Variants in LRCH3 observed in about 807,000 individuals in gnomAD.
The protein encoded by LRCH3 is DISP complex protein LRCH3.
Under a neutral mutation model 104.5 loss-of-function variants are expected in LRCH3, and 68 were observed. The ratio of observed to expected loss-of-function variants is 0.65; its 90% CI spans 0.54 to 0.80. The LOEUF is 0.80. Among genes scored for constraint, LRCH3 ranks in the 30% least tolerant of loss-of-function variants. The probability of loss-of-function intolerance (pLI) is 0.00; values close to 1 mark genes in which losing one functional copy is unlikely to be tolerated. For synonymous variants in LRCH3, 344 were observed against 361.3 expected (o/e 0.95, Z 0.54); for missense variants, 951 against 953.9 (o/e 1.00, Z 0.04).
chr3:197,792,724 T>C (rs936435741), intron 1 of LRCH3, among the ~76,000 whole-genome samples: 3 of 145,812 alleles, frequency 2.1e-5, no homozygotes, highest in Non-Finnish European at 3.0e-5. Context: ...CAATCTCTGC[T>C]CATTGCAACC....
rs762167957 is a variant in LRCH3 at position 197,839,402 on chromosome 3, G to A, written c.1328+5G>A. ...AAGATATTTACATCAAAACAGGTTT[G>A]AAAAACCAATTCTACTTAATTTGTT... On this transcript the variant is annotated splice_donor_5th_base_variant and intron_variant, in intron 10 of 20. Transcript: ENST00000425562. 2 of 1,536,296 alleles carry A rather than the reference G, an allele frequency of 1.3e-6. No homozygotes were observed. Among genetic ancestry groups the A allele is most frequent in the Non-Finnish European group, 1.8e-6 (2 of 1,131,146 alleles).
At chr3:197,814,715 G>T (rs531247428) in intron 1 of LRCH3, among the ~76,000 whole-genome samples, 193 bp from the exon 2 acceptor site, 3 of 152,284 alleles carry the variant, frequency 2.0e-5, no homozygotes, top group Admixed American at 6.5e-5. Context: ...GGATTTTAGG[G>T]ATCTATTTGT....
intron 20 of LRCH3, among the ~76,000 whole-genome samples, chr3:197,880,087 A>G (rs540511321): frequency 2.0e-5 from 3 of 150,988 alleles, no homozygotes; most frequent in East Asian, 1.9e-4. Flanking sequence ...CTGGGACTAC[A>G]GGCGCCCGCC....
At chr3:197,866,507 C>CT (rs1201607433) in intron 17 of LRCH3, among the ~76,000 whole-genome samples, 1 of 152,150 alleles carries the variant, frequency 6.6e-6, no homozygotes, top group African/African-American at 2.4e-5. Context: ...GTAATGAACT[C>CT]TTTTTCACAT....
At chr3:197,798,192 T>C (rs1317921616) in intron 1 of LRCH3, among the ~76,000 whole-genome samples, 3 of 152,050 alleles carry the variant, frequency 2.0e-5, no homozygotes, top group Non-Finnish European at 2.9e-5. Flanking sequence ...GTCTGGGAGA[T>C]TGAGGGTGCA....
intron 10 of LRCH3, among the ~76,000 whole-genome samples, chr3:197,840,312 C>T (rs1737608392): frequency 1.3e-5 from 2 of 152,168 alleles, no homozygotes; most frequent in African/African-American, 4.8e-5. Flanking sequence ...GTGGCACACG[C>T]CTGTAATTCC....
At chr3:197,871,253 A>C in intron 18 of LRCH3, 72 bp from the exon 19 acceptor site, 1 of 1,184,424 alleles carries the variant, frequency 8.4e-7, no homozygotes, top group Non-Finnish European at 1.2e-6. Context: ...ATTAGATTTC[A>C]TTATAACTCC....
At chr3:197,794,576 G>A (rs1237679280) in intron 1 of LRCH3, among the ~76,000 whole-genome samples, 1 of 152,212 alleles carries the variant, frequency 6.6e-6, no homozygotes, top group Non-Finnish European at 1.5e-5. Context: ...ATAATGTGTA[G>A]CATGTACATG....
intron 1 of LRCH3, among the ~76,000 whole-genome samples, chr3:197,813,655 C>T (rs914887164): frequency 1.3e-5 from 2 of 151,044 alleles, no homozygotes; most frequent in South Asian, 2.1e-4. Flanking sequence ...CTCAGCCTCC[C>T]GAGTAGCTGG....
At chr3:197,871,533 T>C (rs1328408331) in intron 19 of LRCH3, 71 bp downstream of exon 19, 16 of 1,587,682 alleles carry the variant, frequency 1.0e-5, no homozygotes, top group Non-Finnish European at 1.4e-5. Context: ...CAGACATTTC[T>C]TAAGCATTGT....
chr3:197,825,249 T>A (rs1735014988), intron 4 of LRCH3, among the ~76,000 whole-genome samples: 1 of 152,092 alleles, frequency 6.6e-6, no homozygotes, highest in African/African-American at 2.4e-5. Context: ...TCTGAAATTT[T>A]ATGTTAATGT....
intron 14 of LRCH3, among the ~76,000 whole-genome samples, chr3:197,855,286 CT>C (rs948026619): frequency 6.6e-6 from 1 of 152,144 alleles, no homozygotes; most frequent in African/African-American, 2.4e-5. Flanking sequence ...GATAAAGCAC[CT>C]TTTAACTGGG....
At chr3:197,813,765 A>G (rs563103966) in intron 1 of LRCH3, among the ~76,000 whole-genome samples, 33 of 151,966 alleles carry the variant, frequency 2.2e-4, no homozygotes, top group African/African-American at 7.7e-4. Context: ...TCCTGACCTC[A>G]AGTGATCCAC....
At chr3:197,844,895 T>C (rs1205812755) in intron 10 of LRCH3, among the ~76,000 whole-genome samples, 1 of 152,116 alleles carries the variant, frequency 6.6e-6, no homozygotes, top group South Asian at 2.1e-4. Context: ...AGTGCTGGGA[T>C]TACAGGCGGG....
At chr3:197,882,927 T>TCAGA (rs762695053) in intron 20 of LRCH3, 137 of 985,264 alleles carry the variant, frequency 1.4e-4, no homozygotes, top group Non-Finnish European at 1.6e-4. Context: ...GATTTTTAAT[T>TCAGA]CAGACAGGCC....
chr3:197,875,016 G>A (rs543865411), intron 19 of LRCH3, among the ~76,000 whole-genome samples: 5 of 145,048 alleles, frequency 3.4e-5, no homozygotes, highest in South Asian at 2.1e-4. Context: ...TCTGCCTCCC[G>A]GGTTCCCGGG....
intron 10 of LRCH3, 32 bp from the exon 11 acceptor site, chr3:197,847,377 T>C: frequency 9.0e-6 from 14 of 1,560,680 alleles, no homozygotes; most frequent in Non-Finnish European, 1.2e-5. Flanking sequence ...TATCAAAGAG[T>C]TTTTTTCTTT....
At chr3:197,801,009 C>T (rs1022375333) in intron 1 of LRCH3, among the ~76,000 whole-genome samples, 7 of 151,298 alleles carry the variant, frequency 4.6e-5, no homozygotes, top group Admixed American at 2.0e-4. Flanking sequence ...GCAGGAGAAT[C>T]GCTTGAACTT....
chr3:197,858,695 C>T, intron 14 of LRCH3, 139 bp from the exon 15 acceptor site: 2 of 728,652 alleles, frequency 2.7e-6, no homozygotes, highest in Non-Finnish European at 4.9e-6. Flanking sequence ...TCTTCCTGCC[C>T]TGTCAGTAGC....
Sources: gnomAD v4.1 joint callset for allele counts (sites outside exome capture counted in the v4.1 genomes callset) on GRCh38, gnomAD v4.1.1 for gene constraint, MANE v1.5 for transcripts, NCBI Gene and HGNC (gene_info 2026-07-23, HGNC 2026-07-21) for gene names.